Variants in RUNX1 observed in about 807,000 individuals in gnomAD.
RUNX1 encodes the protein RUNX family transcription factor 1.
A neutral mutation model predicts 42.8 loss-of-function variants in RUNX1; 19 were observed. That is an observed-to-expected ratio of 0.44 (90% confidence interval 0.31 to 0.65). The LOEUF is 0.65. RUNX1 is among the 30% of genes least tolerant of loss of function. The pLI is 0.07. For missense variants in RUNX1, 528 were observed against 672.0 expected (o/e 0.79, Z 2.37); for synonymous variants, 271 against 289.4 (o/e 0.94, Z 0.64).
chr21:34,893,236 G>GTGTGATTAAAA (rs1200689051), intron 2 of RUNX1, among the ~76,000 whole-genome samples: 1 of 152,180 alleles, frequency 6.6e-6, no homozygotes, highest in African/African-American at 2.4e-5. Flanking sequence ...TAAGCTCCGT[G>GTGTGATTAAAA]TGTGATTAAA....
intron 2 of RUNX1, among the ~76,000 whole-genome samples, chr21:34,943,377 C>T (rs1434669404): frequency 6.6e-6 from 1 of 152,170 alleles, no homozygotes; most frequent in Non-Finnish European, 1.5e-5. Flanking sequence ...GGACCTTAGG[C>T]CCATTCCAGC....
At chr21:34,852,032 G>C (rs2057427099) in intron 6 of RUNX1, among the ~76,000 whole-genome samples, 2 of 152,138 alleles carry the variant, frequency 1.3e-5, no homozygotes, top group South Asian at 4.1e-4. Flanking sequence ...GCCGGGCGTG[G>C]TGGCACACAC....
At chr21:34,811,948 C>T (rs2056763963) in intron 7 of RUNX1, among the ~76,000 whole-genome samples, 1 of 152,090 alleles carries the variant, frequency 6.6e-6, no homozygotes, top group Non-Finnish European at 1.5e-5. Context: ...GAAATAGCCT[C>T]CAAGAAACAG....
chr21:34,919,905 T>C (rs2058341167), intron 2 of RUNX1, among the ~76,000 whole-genome samples: 1 of 152,222 alleles, frequency 6.6e-6, no homozygotes, highest in African/African-American at 2.4e-5. Flanking sequence ...TGGAGTAGGT[T>C]TAAGCATTCC....
At chr21:34,887,185 C>A in intron 3 of RUNX1, 89 bp from the exon 4 acceptor site, 1 of 1,567,200 alleles carries the variant, frequency 6.4e-7, no homozygotes. Flanking sequence ...GGATCTTCAG[C>A]AAGCAGCTCC....
At chr21:34,880,315 A>T (rs1251119248) in intron 5 of RUNX1, among the ~76,000 whole-genome samples, 1 of 152,206 alleles carries the variant, frequency 6.6e-6, no homozygotes, top group Non-Finnish European at 1.5e-5. Context: ...TGAAATTCAC[A>T]ATTCCTACGT....
At position 34,907,887 on chromosome 21, in the gene RUNX1, GCAAA is replaced by G. The variant is rs1349370298; in HGVS notation, c.59-14928_59-14925del. On this transcript the variant is annotated intron_variant, in intron 2 of 8. Coordinates refer to ENST00000675419, the MANE Select transcript of RUNX1 (RefSeq NM_001754.5). This position sits in a 1 kb window ranked among gnomAD's most constrained non-coding sequence, Gnocchi z 5.3. ...TTGTTTAGAGGTGAAAAGATTCTTA[GCAAA>G]CATTTTGTCCAATCCATTTAGTTTA... is the stretch of plus-strand genomic sequence containing the variant. Among the ~76,000 whole-genome samples the G allele has an allele frequency of 6.6e-6, 1 of 152,118 alleles. No homozygotes were observed.
intron 2 of RUNX1, among the ~76,000 whole-genome samples, chr21:34,964,844 C>A (rs1348154322): frequency 6.6e-6 from 1 of 152,198 alleles, no homozygotes; most frequent in East Asian, 1.9e-4. Flanking sequence ...GGCATGATGG[C>A]TGGCTAGACA....
At chr21:34,888,331 TCCTGCCACGCAC>T (rs2058027935) in intron 3 of RUNX1, 1 of 1,067,528 alleles carries the variant, frequency 9.4e-7, no homozygotes, top group Non-Finnish European at 1.1e-6. Context: ...CGCACGCACA[TCCTGCCACGCAC>T]ACTGCCACGC....
chr21:34,998,605 A>G lies in RUNX1; in HGVS notation c.58+50237T>C, dbSNP rs1360253469. On this transcript the variant is annotated intron_variant, in intron 2 of 8. Transcript: ENST00000675419. ...CACCCAGGCTGTAGTGTAGTGGCCC[A>G]GTCTCGGCTCACTGCAAGCTCCGCC... Among the ~76,000 whole-genome samples the G allele has an allele frequency of 4.0e-5, 6 of 151,760 alleles. No individual in the cohort carries two copies. In the East Asian group the frequency reaches 9.7e-4, roughly 24 times the overall value.
intron 6 of RUNX1, 64 bp downstream of exon 6, chr21:34,859,410 A>G (rs762880997): frequency 1.5e-5 from 18 of 1,201,468 alleles, no homozygotes; most frequent in Non-Finnish European, 2.2e-5. Context: ...ATGGTCCCTG[A>G]GTATACCAGC....
At chr21:34,867,819 C>T (rs2057684084) in intron 5 of RUNX1, among the ~76,000 whole-genome samples, 1 of 152,140 alleles carries the variant, frequency 6.6e-6, no homozygotes, top group African/African-American at 2.4e-5. Context: ...AAGGCCACAC[C>T]TGCTGCCCTG....
At chr21:34,994,611 C>T (rs997351821) in intron 2 of RUNX1, among the ~76,000 whole-genome samples, 1 of 152,006 alleles carries the variant, frequency 6.6e-6, no homozygotes, top group African/African-American at 2.4e-5. Context: ...TGCGTATACA[C>T]CTACTATGCA....
At chr21:34,980,508 G>A (rs1050268945) in intron 2 of RUNX1, among the ~76,000 whole-genome samples, 13 of 152,296 alleles carry the variant, frequency 8.5e-5, no homozygotes, top group Middle Eastern at 3.4e-3. Context: ...CTTTATTCCC[G>A]TCTCATAGGC....
chr21:34,930,527 A>G (rs2058435297), intron 2 of RUNX1, among the ~76,000 whole-genome samples: 1 of 151,920 alleles, frequency 6.6e-6, no homozygotes, highest in African/African-American at 2.4e-5. Flanking sequence ...AAGAGGGGAC[A>G]TGTGCTCAAT....
At chr21:35,040,629 G>T (rs1341968108) in intron 2 of RUNX1, among the ~76,000 whole-genome samples, 1 of 151,798 alleles carries the variant, frequency 6.6e-6, no homozygotes, top group Non-Finnish European at 1.5e-5. Context: ...AAAATTAGCC[G>T]GGCGTGGTGG....
chr21:34,865,279 CGTGTGTGTGTGT>C lies in RUNX1; in HGVS notation c.509-5713_509-5702del, dbSNP rs61238560. Among the ~76,000 whole-genome samples the C allele has an allele frequency of 6.1e-3, 812 of 132,460 alleles. 10 individuals are homozygous for C. Among genetic ancestry groups the C allele is most frequent in the East Asian group, 0.034 (144 of 4,294 alleles). The allele number at this position is 132,460 out of a possible 152,430, so 86.9% of individuals were successfully genotyped here. On this transcript the variant is annotated intron_variant, in intron 5 of 8. Coordinates refer to ENST00000675419, the MANE Select transcript of RUNX1 (RefSeq NM_001754.5). Reference sequence around the variant, plus strand: ...GTCTGACATGAGGAGGGGTTTTGTGCGTGTGTGTGTGTGTGTGTGTGTGTGTGTGTGTGTGTG... The same window carrying C: ...GTCTGACATGAGGAGGGGTTTTGTGCGTGTGTGTGTGTGTGTGTGTGTGTG...
At position 34,865,968 on chromosome 21, in the gene RUNX1, C is replaced by T. The variant is rs184611599; in HGVS notation, c.509-6390G>A. On this transcript the variant is annotated intron_variant, in intron 5 of 8. Coordinates refer to ENST00000675419, the MANE Select transcript of RUNX1 (RefSeq NM_001754.5). Reference sequence around the variant, plus strand: ...CCTATAACACCCCGTGTCTGACGGGCGAGCCCCGACTCCTGTTGTGACTCG... The same window carrying T: ...CCTATAACACCCCGTGTCTGACGGGTGAGCCCCGACTCCTGTTGTGACTCG... Among the ~76,000 whole-genome samples, 44 of 152,312 alleles carry T rather than the reference C, an allele frequency of 2.9e-4. 1 individual carries two copies. Among genetic ancestry groups the T allele is most frequent in the Non-Finnish European group, 1.3e-4 (9 of 68,024 alleles).
intron 2 of RUNX1, among the ~76,000 whole-genome samples, chr21:35,043,665 C>A (rs2059376376): frequency 6.6e-6 from 1 of 152,104 alleles, no homozygotes; most frequent in African/African-American, 2.4e-5. Context: ...ATTATTAGCC[C>A]ATTTTGCAGA....
Sources: gnomAD v4.1 joint callset for allele counts (sites outside exome capture counted in the v4.1 genomes callset) on GRCh38, gnomAD v4.1.1 for gene constraint, Gnocchi (gnomAD v3.1) non-coding constraint, MANE v1.5 for transcripts, NCBI Gene and HGNC (gene_info 2026-07-23, HGNC 2026-07-21) for gene names.